DNAH7: variants seen among roughly 807,000 people sequenced by gnomAD.
DNAH7 encodes dynein axonemal heavy chain 7.
A neutral mutation model predicts 444.6 loss-of-function variants in DNAH7; 397 were observed. The observed-to-expected ratio is 0.89, with a 90% CI of 0.82 to 0.97. The LOEUF is 0.97. DNAH7 is among the 50% of genes least tolerant of loss of function. The pLI is 0.00. For missense variants in DNAH7, 4,902 were observed against 4,800.8 expected (o/e 1.02, Z -0.62); for synonymous variants, 1,636 against 1,624.4 (o/e 1.01, Z -0.17).
intron 2 of DNAH7, among the ~76,000 whole-genome samples, chr2:196,056,212 AG>A (rs1448355002): frequency 6.6e-6 from 1 of 152,108 alleles, no homozygotes; most frequent in Non-Finnish European, 1.5e-5. Context: ...TGGGAGGCCG[AG>A]GCGGGCGGAT....
chr2:195,799,509 A>C, intron 54 of DNAH7, 37 bp from the exon 55 acceptor site: 1 of 1,490,730 alleles, frequency 6.7e-7, no homozygotes. Flanking sequence ...AAGAATATTC[A>C]AAATCTGCCT....
At chr2:195,999,290 A>G (rs1471806396) in intron 12 of DNAH7, 1 of 703,236 alleles carries the variant, frequency 1.4e-6, no homozygotes, top group Admixed American at 2.1e-5. Flanking sequence ...ATTTGTAACC[A>G]CAAGTCTATT....
intron 44 of DNAH7, among the ~76,000 whole-genome samples, chr2:195,856,798 C>A (rs1268485348): frequency 6.6e-6 from 1 of 152,278 alleles, no homozygotes; most frequent in Admixed American, 6.5e-5. Flanking sequence ...GGTCTTCCCT[C>A]GTCCAACTAA....
chr2:195,958,664 G>A (rs1479501423), intron 18 of DNAH7, among the ~76,000 whole-genome samples: 2 of 152,142 alleles, frequency 1.3e-5, no homozygotes, highest in Non-Finnish European at 2.9e-5. Flanking sequence ...TTGTTTCTAA[G>A]TATAGAGAAT....
chr2:195,815,871 T>C (rs1434370766), intron 51 of DNAH7, among the ~76,000 whole-genome samples: 1 of 152,120 alleles, frequency 6.6e-6, no homozygotes, highest in African/African-American at 2.4e-5. Flanking sequence ...TGGGTGCCTG[T>C]AGTCCCAGCT....
intron 10 of DNAH7, among the ~76,000 whole-genome samples, chr2:196,002,818 G>T (rs993291732): frequency 3.3e-5 from 5 of 152,004 alleles, no homozygotes; most frequent in Admixed American, 6.6e-5. Context: ...GACCAGCCTG[G>T]CCAACATGGT....
chr2:195,966,567 T>C (rs1691492323), intron 17 of DNAH7, among the ~76,000 whole-genome samples: 2 of 152,172 alleles, frequency 1.3e-5, no homozygotes, highest in East Asian at 1.9e-4. Context: ...CCAGCTATTA[T>C]TGTATTGAGG....
chr2:195,943,119 T>C (rs1370031195), intron 19 of DNAH7, among the ~76,000 whole-genome samples: 1 of 152,148 alleles, frequency 6.6e-6, no homozygotes, highest in African/African-American at 2.4e-5. Context: ...TTGCTTCTCA[T>C]TTACTTTCCA....
intron 30 of DNAH7, chr2:195,893,586 T>G (rs1189814157): frequency 6.6e-6 from 1 of 151,952 alleles, no homozygotes. Flanking sequence ...CTTTCTTTTG[T>G]GTGCCAGGAA....
intron 40 of DNAH7, 81 bp from the exon 41 acceptor site, chr2:195,865,102 G>C: frequency 7.3e-7 from 1 of 1,367,136 alleles, no homozygotes; most frequent in East Asian, 2.3e-5. Context: ...CTAATCTCAG[G>C]TAATAAAAAT....
At chr2:195,904,386 T>C (rs1686889555) in intron 27 of DNAH7, 1 of 152,232 alleles carries the variant, frequency 6.6e-6, no homozygotes, top group Non-Finnish European at 1.5e-5. Flanking sequence ...GAAAATAGCA[T>C]GTAGAAAGGC....
chr2:195,971,771 T>TC (rs1272252120), intron 16 of DNAH7, among the ~76,000 whole-genome samples: 5 of 151,100 alleles, frequency 3.3e-5, no homozygotes, highest in African/African-American at 4.9e-5. Flanking sequence ...GACTGCCCCC[T>TC]CCCCCCCAAG....
intron 19 of DNAH7, among the ~76,000 whole-genome samples, chr2:195,947,591 G>GC (rs1230101822): frequency 1.3e-5 from 2 of 152,068 alleles, no homozygotes; most frequent in African/African-American, 2.4e-5. Flanking sequence ...ATGGTTTCCA[G>GC]CTTCATTCAT....
chr2:195,825,509 T>C lies in DNAH7; in HGVS notation c.9101-1064A>G, dbSNP rs1010908081. Among the ~76,000 whole-genome samples the C allele has an allele frequency of 7.2e-5, 11 of 152,322 alleles. No individual in the cohort carries two copies. In the East Asian group the frequency reaches 2.1e-3, roughly 29 times the overall value. ...GTGTATCATATTAGTGTTCTCTTTT[T>C]TAAACCAGTATTCAATTATTAGATA... On this transcript the variant is annotated intron_variant, in intron 48 of 64. Transcript: ENST00000312428.
At chr2:195,975,197 C>G (rs73042532) in intron 15 of DNAH7, among the ~76,000 whole-genome samples, 10,139 of 152,162 alleles carry the variant, frequency 0.067, 440 homozygotes, top group African/African-American at 0.12. Flanking sequence ...GAAAGAGACA[C>G]CGAAGAGGGT....
At chr2:196,047,272 A>G in intron 5 of DNAH7, 80 bp downstream of exon 5, 2 of 1,301,812 alleles carry the variant, frequency 1.5e-6, no homozygotes, top group East Asian at 5.0e-5. Flanking sequence ...AGAGATGCAC[A>G]GAATTCTAAT....
chr2:195,919,327 A>G (rs1687880209), intron 24 of DNAH7, among the ~76,000 whole-genome samples: 1 of 151,962 alleles, frequency 6.6e-6, no homozygotes, highest in South Asian at 2.1e-4. Flanking sequence ...TTTTCTGTAA[A>G]TCTAAAATTA....
At chr2:196,002,520 C>T (rs1694101810) in intron 10 of DNAH7, among the ~76,000 whole-genome samples, 1 of 152,158 alleles carries the variant, frequency 6.6e-6, no homozygotes, top group African/African-American at 2.4e-5. Context: ...CTCTCCAACA[C>T]TACAGAATTT....
intron 12 of DNAH7, among the ~76,000 whole-genome samples, chr2:195,992,902 T>C: frequency 6.6e-6 from 1 of 152,220 alleles, no homozygotes; most frequent in Admixed American, 6.5e-5. Flanking sequence ...AACTCATTCC[T>C]TCATAGAGGA....
Sources: allele counts gnomAD v4.1 joint callset (sites outside exome capture counted in the v4.1 genomes callset), GRCh38; gene constraint gnomAD v4.1.1; transcripts MANE v1.5; gene names NCBI Gene and HGNC (gene_info 2026-07-23, HGNC 2026-07-21).